ZBTB7C: variants seen among roughly 807,000 people sequenced by gnomAD.
ZBTB7C encodes the protein zinc finger and BTB domain-containing protein 7C.
In ZBTB7C, 8 loss-of-function variants were observed where a neutral mutation model predicts 25.7. That is an observed-to-expected ratio of 0.31 (90% confidence interval 0.18 to 0.56). ZBTB7C has a LOEUF of 0.56. Ranked by LOEUF, ZBTB7C falls within the 20% of genes least tolerant of loss-of-function variation. ZBTB7C has a pLI of 0.91. For synonymous variants in ZBTB7C, 394 were observed against 369.0 expected (o/e 1.07, Z -0.78); for missense variants, 824 against 855.2 (o/e 0.96, Z 0.46).
intron 3 of ZBTB7C, among the ~76,000 whole-genome samples, chr18:48,173,608 T>C (rs1295893816): frequency 2.0e-5 from 3 of 152,202 alleles, no homozygotes; most frequent in African/African-American, 7.2e-5. Flanking sequence ...GGGAGGCAGG[T>C]GAGGCCCTAG....
intron 3 of ZBTB7C, among the ~76,000 whole-genome samples, chr18:48,179,463 C>T (rs1184080349): frequency 6.6e-6 from 1 of 152,000 alleles, no homozygotes; most frequent in Non-Finnish European, 1.5e-5. Context: ...TTCCTGGGGG[C>T]TGGGTGGGCT....
chr18:48,092,609 C>T (rs532449724), intron 3 of ZBTB7C, among the ~76,000 whole-genome samples: 123 of 152,178 alleles, frequency 8.1e-4, no homozygotes, highest in Non-Finnish European at 1.3e-3. Flanking sequence ...TTTAAGTTCT[C>T]ATACCACTTT....
intron 3 of ZBTB7C, among the ~76,000 whole-genome samples, chr18:48,122,720 G>T (rs1167814348): frequency 2.0e-5 from 3 of 152,194 alleles, no homozygotes; most frequent in Non-Finnish European, 2.9e-5. Context: ...GAATGAACTA[G>T]CTACTTTGGG....
intron 2 of ZBTB7C, among the ~76,000 whole-genome samples, chr18:48,327,391 G>A (rs979011038): frequency 7.9e-5 from 12 of 152,094 alleles, no homozygotes; most frequent in South Asian, 4.1e-4. Flanking sequence ...ACAAATATAC[G>A]CTCATTTTAA....
At chr18:48,095,931 T>C (rs756804865) in intron 3 of ZBTB7C, among the ~76,000 whole-genome samples, 1 of 152,046 alleles carries the variant, frequency 6.6e-6, no homozygotes, top group Non-Finnish European at 1.5e-5. Context: ...CAGTAACGTA[T>C]GGGAAGCCAT....
intron 2 of ZBTB7C, among the ~76,000 whole-genome samples, chr18:48,268,502 C>T (rs772951880): frequency 2.6e-5 from 4 of 152,264 alleles, no homozygotes; most frequent in Admixed American, 2.6e-4. Context: ...ACTGGCTTAA[C>T]AGGAGTCTTG....
At chr18:48,156,465 T>C (rs1355976898) in intron 3 of ZBTB7C, among the ~76,000 whole-genome samples, 1 of 152,226 alleles carries the variant, frequency 6.6e-6, no homozygotes, top group African/African-American at 2.4e-5. Flanking sequence ...AGTTAGAGCT[T>C]GTCTGTGAAG....
chr18:48,158,335 G>C (rs2040899949), intron 3 of ZBTB7C, among the ~76,000 whole-genome samples: 1 of 152,208 alleles, frequency 6.6e-6, no homozygotes, highest in South Asian at 2.1e-4. Context: ...GCAGGCTACA[G>C]GATGACCATG....
chr18:48,093,477 C>A (rs1598864859), intron 3 of ZBTB7C, among the ~76,000 whole-genome samples: 1 of 152,166 alleles, frequency 6.6e-6, no homozygotes, highest in Non-Finnish European at 1.5e-5. Flanking sequence ...ATTTAAGACA[C>A]CTCTAAGGCT....
chr18:48,193,165 A>G (rs2042237669), intron 2 of ZBTB7C, among the ~76,000 whole-genome samples: 1 of 152,176 alleles, frequency 6.6e-6, no homozygotes, highest in South Asian at 2.1e-4. Flanking sequence ...TGGGGAGGCC[A>G]GCAGGGCCTC....
At chr18:48,376,159 T>C (rs1270344813) in intron 1 of ZBTB7C, among the ~76,000 whole-genome samples, 2 of 152,262 alleles carry the variant, frequency 1.3e-5, no homozygotes, top group South Asian at 2.1e-4. Context: ...CCAGTTCTAA[T>C]GGTTAAATAA....
At chr18:48,188,430 C>T (rs2042115574) in intron 2 of ZBTB7C, among the ~76,000 whole-genome samples, 1 of 152,338 alleles carries the variant, frequency 6.6e-6, no homozygotes. Flanking sequence ...TGAGAACTCA[C>T]TTGCTACCAT....
intron 3 of ZBTB7C, among the ~76,000 whole-genome samples, chr18:48,073,517 G>A (rs1379300294): frequency 6.6e-6 from 1 of 152,174 alleles, no homozygotes; most frequent in Non-Finnish European, 1.5e-5. Flanking sequence ...GGCTGGGACA[G>A]GCGCAGGGGT....
intron 1 of ZBTB7C, among the ~76,000 whole-genome samples, chr18:48,404,616 G>A (rs188281449): frequency 1.3e-5 from 2 of 152,276 alleles, no homozygotes; most frequent in Non-Finnish European, 2.9e-5. Flanking sequence ...ACATCCACTG[G>A]GGTTAGCGGT....
At chr18:48,136,902 G>T (rs1025250609) in intron 3 of ZBTB7C, 13 of 922,158 alleles carry the variant, frequency 1.4e-5, no homozygotes, top group African/African-American at 1.8e-5. Context: ...TCTCCCGGCC[G>T]CCCGGAAGGG....
intron 3 of ZBTB7C, among the ~76,000 whole-genome samples, chr18:48,093,818 G>C (rs1185676911): frequency 1.3e-5 from 2 of 152,194 alleles, no homozygotes; most frequent in Non-Finnish European, 2.9e-5. Flanking sequence ...CACTTTGGGA[G>C]GCCAAAGCGG....
At chr18:48,247,295 AT>A (rs2043721815) in intron 2 of ZBTB7C, among the ~76,000 whole-genome samples, 1 of 152,212 alleles carries the variant, frequency 6.6e-6, no homozygotes, top group Admixed American at 6.5e-5. Context: ...ATTATTTAAC[AT>A]TGTCTGGAAA....
In ZBTB7C at chr18:48,103,060, GTA is replaced by G. The variant is rs986874276; in HGVS notation, c.-16-61939_-16-61938del. 1.7e-4 allele frequency among the ~76,000 whole-genome samples: 25 copies of G among 143,696 alleles called. No individual in the cohort carries two copies. The South Asian group carries it at 4.4e-3, about 25-fold the overall frequency. The allele number at this position is 143,696 out of a possible 152,430, so 94.3% of individuals were successfully genotyped here. A position where few individuals can be genotyped will look rare whatever the true frequency, so the allele number is the denominator to read the frequency against. On this transcript the variant is annotated intron_variant, in intron 3 of 4. Coordinates refer to ENST00000590800, the MANE Select transcript of ZBTB7C (RefSeq NM_001318841.2). ...ATATTTTATATTATATATATATCTTGTATATATATATTTTATATTATATATAT... is the reference window on the plus strand; with the variant it reads ...ATATTTTATATTATATATATATCTTGTATATATATTTTATATTATATATAT...
At chr18:48,309,114 G>A (rs954783937) in intron 2 of ZBTB7C, among the ~76,000 whole-genome samples, 1 of 152,190 alleles carries the variant, frequency 6.6e-6, no homozygotes, top group Non-Finnish European at 1.5e-5. Context: ...GAAAGAAAAA[G>A]AGGTTGTAAA....
Sources: allele counts gnomAD v4.1 joint callset (sites outside exome capture counted in the v4.1 genomes callset), GRCh38; gene constraint gnomAD v4.1.1; transcripts MANE v1.5; gene names NCBI Gene and HGNC (gene_info 2026-07-23, HGNC 2026-07-21).